POLA1: variants seen among roughly 807,000 people sequenced by gnomAD.
POLA1 encodes DNA polymerase alpha 1, catalytic subunit.
POLA1 carries 15 observed loss-of-function variants against 124.0 expected under a neutral mutation model. The ratio of observed to expected loss-of-function variants is 0.12; its 90% CI spans 0.08 to 0.19. The LOEUF (loss-of-function observed/expected upper bound fraction) is 0.19. POLA1 is among the 10% of genes least tolerant of loss of function. POLA1 has a pLI of 1.00. For missense variants in POLA1, 886 were observed against 1,103.4 expected, an observed-to-expected ratio of 0.80 and a Z score of 2.79; for synonymous variants, 408 against 389.4, an observed-to-expected ratio of 1.05 and a Z score of -0.56.
intron 35 of POLA1, among the ~76,000 whole-genome samples, chrX:24,894,769 CTTTCTTTTCT>C (rs760134792): frequency 7.1e-4 from 77 of 107,937 alleles, no homozygotes; most frequent in African/African-American, 2.6e-3. Flanking sequence ...ACTCTATTTT[CTTTCTTTTCT>C]TTTCTTTTCT....
intron 6 of POLA1, among the ~76,000 whole-genome samples, chrX:24,715,492 C>T (rs1295959468): frequency 9.0e-6 from 1 of 111,361 alleles, no homozygotes; most frequent in Non-Finnish European, 1.9e-5. Context: ...GACTAGGTTT[C>T]ACTATGTTGG....
chrX:24,856,072 T>C (rs1159338828), intron 34 of POLA1, among the ~76,000 whole-genome samples: 1 of 112,149 alleles, frequency 8.9e-6, no homozygotes, highest in South Asian at 3.7e-4. Flanking sequence ...GTTTGTTCTT[T>C]TACAAATTTG....
intron 29 of POLA1, among the ~76,000 whole-genome samples, chrX:24,813,718 G>A (rs1472425501): frequency 9.1e-6 from 1 of 109,371 alleles, no homozygotes; most frequent in Non-Finnish European, 1.9e-5. Flanking sequence ...GGAGGCTGAG[G>A]CAGGAGAATC....
intron 26 of POLA1, among the ~76,000 whole-genome samples, chrX:24,806,766 C>T (rs970494735): frequency 2.7e-5 from 3 of 111,816 alleles, no homozygotes; most frequent in Non-Finnish European, 3.8e-5. Context: ...TTGTAAATTA[C>T]GTATGTATAG....
At chrX:24,864,252 G>A (rs2046760796) in intron 34 of POLA1, among the ~76,000 whole-genome samples, 1 of 111,335 alleles carries the variant, frequency 9.0e-6, no homozygotes, top group East Asian at 2.8e-4. Context: ...AAAGTACTAG[G>A]ATTACAGGCG....
chrX:24,888,776 A>G (rs2047102971), intron 35 of POLA1, among the ~76,000 whole-genome samples: 1 of 107,715 alleles, frequency 9.3e-6, no homozygotes, highest in Non-Finnish European at 1.9e-5. Context: ...GAGTTTCACC[A>G]TGTTGGCCAG....
intron 34 of POLA1, among the ~76,000 whole-genome samples, chrX:24,857,032 T>C (rs906865356): frequency 8.1e-5 from 9 of 111,714 alleles, no homozygotes; most frequent in African/African-American, 2.9e-4. Flanking sequence ...CTTTTATTGA[T>C]TGTGCTTTTG....
intron 35 of POLA1, among the ~76,000 whole-genome samples, chrX:24,907,828 T>C (rs1883195507): frequency 8.9e-6 from 1 of 112,147 alleles, no homozygotes; most frequent in Non-Finnish European, 1.9e-5. Context: ...ATTTTTCTCC[T>C]CTTGAGTTTG....
intron 5 of POLA1, 149 bp from the exon 6 acceptor site, chrX:24,714,992 C>T (rs1020196931): frequency 2.4e-5 from 11 of 456,450 alleles, no homozygotes; most frequent in African/African-American, 1.5e-4. Flanking sequence ...TTGTTAAAAT[C>T]TGTGAATGTA....
In POLA1 at chrX:24,772,136, C is replaced by T. The variant is rs61639533; in HGVS notation, c.2964+23144C>T. 2.0e-3 allele frequency among the ~76,000 whole-genome samples: 224 copies of T among 111,230 alleles called. 1 individual carries two copies. Among genetic ancestry groups the T allele is most frequent in the African/African-American group, 6.8e-3 (210 of 30,664 alleles). On this transcript the variant is annotated intron_variant, in intron 26 of 36. Coordinates refer to ENST00000379068, the MANE Select transcript of POLA1 (RefSeq NM_001330360.2). ...TTATGATTTCAGGAGATAGATGTCA[C>T]GTAATTTATTTATCAATACCCCTAT...
chrX:24,984,817 G>T (rs908361213), intron 36 of POLA1, among the ~76,000 whole-genome samples: 1 of 109,495 alleles, frequency 9.1e-6, no homozygotes, highest in African/African-American at 3.3e-5. Context: ...CCGCCACTAC[G>T]CCCGGCTAAT....
chrX:24,794,438 T>C (rs755792769), intron 26 of POLA1, among the ~76,000 whole-genome samples: 3 of 112,418 alleles, frequency 2.7e-5, no homozygotes, highest in Non-Finnish European at 5.6e-5. Flanking sequence ...TTAGGGTTTC[T>C]TGTATTCCTG....
At chrX:24,972,867 A>G (rs1382581683) in intron 36 of POLA1, among the ~76,000 whole-genome samples, 1 of 112,602 alleles carries the variant, frequency 8.9e-6, no homozygotes, top group Non-Finnish European at 1.9e-5. Context: ...TTTTTCATCC[A>G]CAATTAGCTT....
Position 24,996,904 on chromosome X carries a change from T to TA in POLA1, c.*960dup, listed in dbSNP as rs1284521860. The TA allele has an allele frequency of 3.6e-5, 4 of 112,349 alleles. No individual in the cohort carries two copies. Among genetic ancestry groups the TA allele is most frequent in the Non-Finnish European group, 7.5e-5 (4 of 53,369 alleles). The allele number at this position is 112,349 out of a possible 1,213,427, so 9.3% of individuals were successfully genotyped here. On this transcript the variant is annotated 3_prime_UTR_variant, in exon 37 of 37. Coordinates refer to ENST00000379068, the MANE Select transcript of POLA1 (RefSeq NM_001330360.2). ...CCCTTGTACAATTATGCTGTGTTTT[T>TA]AAAAAACATTGACCTGTGTGTTTTT...
chrX:24,847,482 T>G (rs1461251145), intron 34 of POLA1, among the ~76,000 whole-genome samples: 1 of 111,769 alleles, frequency 8.9e-6, no homozygotes, highest in Non-Finnish European at 1.9e-5. Context: ...ATTATATGAG[T>G]ACTTTACTAT....
intron 34 of POLA1, among the ~76,000 whole-genome samples, chrX:24,862,208 C>G (rs940369022): frequency 8.9e-6 from 1 of 112,068 alleles, no homozygotes; most frequent in African/African-American, 3.2e-5. Context: ...TTGACTAGTA[C>G]TAAACATCTG....
intron 36 of POLA1, among the ~76,000 whole-genome samples, chrX:24,993,294 G>A (rs1040630140): frequency 2.7e-5 from 3 of 112,160 alleles, no homozygotes; most frequent in South Asian, 3.8e-4. Flanking sequence ...TGCTGGTGGC[G>A]GAGACAGCAG....
intron 26 of POLA1, among the ~76,000 whole-genome samples, chrX:24,772,812 C>G (rs1273802304): frequency 9.0e-6 from 1 of 111,225 alleles, no homozygotes; most frequent in African/African-American, 3.3e-5. Context: ...ACTATTTGAC[C>G]CAGCAGTCCC....
intron 26 of POLA1, among the ~76,000 whole-genome samples, chrX:24,787,242 G>C (rs1306024577): frequency 9.0e-6 from 1 of 111,393 alleles, no homozygotes; most frequent in Non-Finnish European, 1.9e-5. Flanking sequence ...TATTTTTGCT[G>C]TTGTTGCCTG....
Sources: allele counts gnomAD v4.1 joint callset (sites outside exome capture counted in the v4.1 genomes callset), GRCh38; gene constraint gnomAD v4.1.1; transcripts MANE v1.5; gene names NCBI Gene and HGNC (gene_info 2026-07-23, HGNC 2026-07-21).